ESRRG: variants seen among roughly 807,000 people sequenced by gnomAD.
ESRRG encodes the protein estrogen-related receptor gamma.
Under a neutral mutation model 44.0 loss-of-function variants are expected in ESRRG, and 13 were observed. The ratio of observed to expected loss-of-function variants is 0.30; its 90% CI spans 0.19 to 0.47. The LOEUF is 0.47. ESRRG is among the 20% of genes least tolerant of loss of function. The probability of loss-of-function intolerance (pLI) is 1.00; values close to 1 mark genes in which losing one functional copy is unlikely to be tolerated. For missense variants in ESRRG, 395 were observed against 580.6 expected (o/e 0.68, Z 3.29); for synonymous variants, 215 against 214.6 (o/e 1.00, Z -0.02).
chr1:216,836,884 C>T (rs1012726562), intron 2 of ESRRG, among the ~76,000 whole-genome samples: 1 of 152,048 alleles, frequency 6.6e-6, no homozygotes. Flanking sequence ...AGGGGCAAAG[C>T]AGAGAAATAA....
intron 2 of ESRRG, among the ~76,000 whole-genome samples, chr1:216,770,368 C>A (rs967593085): frequency 6.6e-6 from 1 of 152,060 alleles, no homozygotes; most frequent in African/African-American, 2.4e-5. Flanking sequence ...GTCCTGGATT[C>A]TTCTGCATTA....
intron 2 of ESRRG, among the ~76,000 whole-genome samples, chr1:216,750,140 G>A (rs1276530210): frequency 6.6e-6 from 1 of 152,064 alleles, no homozygotes; most frequent in Non-Finnish European, 1.5e-5. Flanking sequence ...GCAGTTTGTA[G>A]AGAAGTCTGT....
intron 2 of ESRRG, among the ~76,000 whole-genome samples, chr1:216,843,233 A>G (rs2095682531): frequency 6.6e-6 from 1 of 151,546 alleles, no homozygotes; most frequent in African/African-American, 2.4e-5. Flanking sequence ...AATATTTTAT[A>G]TGAGATTTGT....
At chr1:216,646,295 T>C (rs2067567597) in intron 3 of ESRRG, among the ~76,000 whole-genome samples, 1 of 152,138 alleles carries the variant, frequency 6.6e-6, no homozygotes, top group South Asian at 2.1e-4. Flanking sequence ...CCTAAGGCCA[T>C]TGACATTGCC....
At chr1:216,695,042 G>A (rs1163338056) in intron 1 of ESRRG, among the ~76,000 whole-genome samples, 2 of 152,122 alleles carry the variant, frequency 1.3e-5, no homozygotes, top group East Asian at 3.9e-4. Context: ...GATAAATCAT[G>A]AGGAAAAGGC....
At chr1:217,071,936 T>C (rs4846400) in intron 1 of ESRRG, among the ~76,000 whole-genome samples, 47,489 of 152,086 alleles carry the variant, frequency 0.31, 7,929 homozygotes, top group East Asian at 0.68. Context: ...TTTTCCAAAA[T>C]CATCTTCCTC....
At chr1:216,675,275 A>T (rs1429101230) in intron 2 of ESRRG, among the ~76,000 whole-genome samples, 1 of 151,876 alleles carries the variant, frequency 6.6e-6, no homozygotes. Flanking sequence ...CAAGAGAATC[A>T]CTTGAACCCA....
intron 2 of ESRRG, among the ~76,000 whole-genome samples, chr1:216,900,115 A>C (rs965400518): frequency 6.6e-6 from 1 of 152,182 alleles, no homozygotes; most frequent in Non-Finnish European, 1.5e-5. Flanking sequence ...TACCCTACAG[A>C]ATCAGGAGCT....
chr1:216,651,679 T>C (rs943809611), intron 2 of ESRRG, among the ~76,000 whole-genome samples: 1 of 152,210 alleles, frequency 6.6e-6, no homozygotes, highest in Non-Finnish European at 1.5e-5. Flanking sequence ...TTACTGATCA[T>C]GGTGATGATA....
intron 2 of ESRRG, among the ~76,000 whole-genome samples, chr1:216,783,164 C>T (rs1038118518): frequency 6.6e-6 from 1 of 151,882 alleles, no homozygotes; most frequent in Non-Finnish European, 1.5e-5. Flanking sequence ...CAGGTGAGAA[C>T]TTAGAAATTA....
intron 2 of ESRRG, among the ~76,000 whole-genome samples, chr1:216,926,363 G>A (rs2062571918): frequency 2.0e-5 from 3 of 150,620 alleles, no homozygotes. Flanking sequence ...GTGGGAACAG[G>A]TACTTCAGCT....
intron 2 of ESRRG, among the ~76,000 whole-genome samples, chr1:216,734,834 C>G (rs2089547156): frequency 6.6e-6 from 1 of 150,974 alleles, no homozygotes; most frequent in Admixed American, 6.6e-5. Flanking sequence ...AACATTTTGA[C>G]TTATGAATTT....
intron 3 of ESRRG, among the ~76,000 whole-genome samples, chr1:216,620,284 T>G (rs1474349743): frequency 1.3e-5 from 2 of 152,194 alleles, no homozygotes; most frequent in Non-Finnish European, 2.9e-5. Flanking sequence ...GAGGATGAAA[T>G]GATTTAATAC....
chr1:216,547,623 C>A (rs1011658936), intron 5 of ESRRG, among the ~76,000 whole-genome samples: 1 of 152,030 alleles, frequency 6.6e-6, no homozygotes, highest in African/African-American at 2.4e-5. Flanking sequence ...AAATTTTATT[C>A]TTCAAGCTGA....
intron 2 of ESRRG, among the ~76,000 whole-genome samples, chr1:216,794,156 A>G (rs934257664): frequency 6.6e-6 from 1 of 152,170 alleles, no homozygotes; most frequent in Admixed American, 6.6e-5. Flanking sequence ...ATTCATGATT[A>G]CAAACTAAAA....
chr1:216,983,023 T>C (rs2074231037), intron 1 of ESRRG, among the ~76,000 whole-genome samples: 1 of 118,086 alleles, frequency 8.5e-6, no homozygotes, highest in Non-Finnish European at 1.7e-5. Context: ...GTTACGTGAC[T>C]TTGAACTGTT....
rs566479586 is a variant in ESRRG at position 216,992,845 on chromosome 1, G to A, written c.-105-53172C>T. Among the ~76,000 whole-genome samples, 9 of 152,206 alleles carry A rather than the reference G, an allele frequency of 5.9e-5. No individual in the cohort carries two copies. The South Asian group carries it at 1.9e-3, about 32-fold the overall frequency. ...TTACCATTAATTAAGTGCTAACCAT[G>A]GTGCCAGATGCCTCATTATGTCCTT... On this transcript the variant is annotated intron_variant, in intron 1 of 7. Transcript: ENST00000359162.
chr1:216,686,191 G>A (rs956662600), intron 1 of ESRRG: 1 of 152,164 alleles, frequency 6.6e-6, no homozygotes, highest in African/African-American at 2.4e-5. Flanking sequence ...TTGTCCAGCT[G>A]AAGTAGGAGA....
chr1:216,843,582 A>T (rs2095688649), intron 2 of ESRRG, among the ~76,000 whole-genome samples: 1 of 152,140 alleles, frequency 6.6e-6, no homozygotes, highest in Non-Finnish European at 1.5e-5. Context: ...TCCAGGGACC[A>T]AGACGCGGAT....
Sources: gnomAD v4.1 joint callset for allele counts (sites outside exome capture counted in the v4.1 genomes callset) on GRCh38, gnomAD v4.1.1 for gene constraint, MANE v1.5 for transcripts, NCBI Gene and HGNC (gene_info 2026-07-23, HGNC 2026-07-21) for gene names.